NBPF26: variants seen among roughly 807,000 people sequenced by gnomAD.
NBPF26 encodes NBPF family member NBPF26.
In NBPF26, 79 loss-of-function variants were observed where a neutral mutation model predicts 119.6. The ratio of observed to expected loss-of-function variants is 0.66; its 90% CI spans 0.55 to 0.80. The LOEUF is 0.80. Ranked by LOEUF, NBPF26 falls within the 30% of genes least tolerant of loss-of-function variation. The pLI, the probability that NBPF26 is intolerant of heterozygous loss-of-function variation, is 0.00. For synonymous variants in NBPF26, 299 were observed against 457.7 expected, an observed-to-expected ratio of 0.65 and a Z score of 4.43; for missense variants, 800 against 1,198.2, an observed-to-expected ratio of 0.67 and a Z score of 4.91.
intron 1 of NBPF26, among the ~76,000 whole-genome samples, chr1:120,752,534 ATATATATATATATATATATAT>A (rs1651028810): frequency 7.2e-5 from 1 of 13,948 alleles, no homozygotes; most frequent in African/African-American, 4.0e-4. Flanking sequence ...ATATATATAT[ATATATATATATATATATATAT>A]TTTTTTTTTT....
At chr1:120,791,375 T>C (rs1253389912) in intron 3 of NBPF26, among the ~76,000 whole-genome samples, 1 of 106,900 alleles carries the variant, frequency 9.4e-6, no homozygotes, top group African/African-American at 6.1e-5. Flanking sequence ...CTATTCACAA[T>C]AGCAAAGAGT....
At chr1:120,819,604 G>A (rs1652088666) in intron 15 of NBPF26, among the ~76,000 whole-genome samples, 1 of 103,868 alleles carries the variant, frequency 9.6e-6, no homozygotes, top group African/African-American at 6.3e-5. Context: ...GCATGTTTTT[G>A]CAGTGGCTGG....
At position 120,805,695 on chromosome 1, in the gene NBPF26, G is replaced by C. The variant is rs1240682716; in HGVS notation, c.891G>C (p.Leu297Phe). 8.4e-4 allele frequency: 1,218 copies of C among 1,456,626 alleles called. 280 individuals carry two copies. In the African/African-American group the frequency reaches 0.022, roughly 26 times the overall value. 90.2% of individuals were successfully genotyped at this position (1,456,626 alleles called of 1,614,324 possible). ...AGCTGCCAGAGAACAAACAGCAGTT[G>C]AGAAACCTCAAAGAGAAATGTTTTC... Residue 297 changes from leucine to phenylalanine, a missense_variant, in exon 5 of 30, where the codon TTG becomes TTC. Coordinates refer to ENST00000620612, the Ensembl canonical transcript of NBPF26.
intron 5 of NBPF26, among the ~76,000 whole-genome samples, chr1:120,807,067 G>T: frequency 7.7e-6 from 1 of 130,502 alleles, no homozygotes; most frequent in Non-Finnish European, 1.6e-5. Flanking sequence ...TTCCTTCATG[G>T]CCTTATTGTC....
rs1228038318 is a variant in NBPF26 at position 120,734,392 on chromosome 1, G to C, written c.73+10142G>C. On this transcript the variant is annotated intron_variant, in intron 1 of 29. Coordinates refer to ENST00000620612, the Ensembl canonical transcript of NBPF26. ...ACCAAGGAAGGAAACCTATTTGAAG[G>C]ATTACAATATTTTCTTTTTTTTTTT... 7.1e-5 allele frequency among the ~76,000 whole-genome samples: 6 copies of C among 84,206 alleles called. No homozygotes were observed. In the East Asian group the frequency reaches 1.0e-3, roughly 14 times the overall value. 55.2% of individuals were successfully genotyped at this position (84,206 alleles called of 152,430 possible).
At chr1:120,764,464 CAGTG>C (rs1217855288) in intron 2 of NBPF26, among the ~76,000 whole-genome samples, 5 of 91,606 alleles carry the variant, frequency 5.5e-5, no homozygotes, top group African/African-American at 2.8e-4. Context: ...GAAAGTGAGA[CAGTG>C]AGAGAGGAAG....
chr1:120,832,577 G>A (rs1386097684), intron 22 of NBPF26, among the ~76,000 whole-genome samples: 6 of 119,450 alleles, frequency 5.0e-5, no homozygotes, highest in Non-Finnish European at 9.7e-5. Flanking sequence ...GAAATCATTT[G>A]AGGGTATTTG....
At position 120,724,388 on chromosome 1, in the gene NBPF26, C is replaced by G; in HGVS notation, c.73+138C>G. On this transcript the variant is annotated intron_variant, in intron 1 of 29. Transcript: ENST00000620612. ...CGGAGTGAGGCCACTCGCTGGGTTC[C>G]CAAGAGTTTGGACATCGCCGGGGGC... 3 of 1,349,564 alleles carry G rather than the reference C, an allele frequency of 2.2e-6. 1 individual carries two copies. Among genetic ancestry groups the G allele is most frequent in the Non-Finnish European group, 2.9e-6 (3 of 1,033,988 alleles). 83.6% of individuals were successfully genotyped at this position (1,349,564 alleles called of 1,614,324 possible).
chr1:120,724,454 G>T (rs1281371419), intron 1 of NBPF26, among the ~76,000 whole-genome samples: 1 of 121,148 alleles, frequency 8.3e-6, no homozygotes, highest in Non-Finnish European at 1.6e-5. Flanking sequence ...GTTCCCCGCC[G>T]CCTCTGCTCC....
At chr1:120,793,123 T>A in intron 3 of NBPF26, 38 bp from the exon 4 acceptor site, 1 of 884,282 alleles carries the variant, frequency 1.1e-6, no homozygotes, top group East Asian at 2.5e-5. Flanking sequence ...ATCTCCTATT[T>A]CTGTGGCCAG....
At position 120,728,111 on chromosome 1, in the gene NBPF26, G is replaced by A. The variant is rs1165282172; in HGVS notation, c.73+3861G>A. 4.4e-4 allele frequency among the ~76,000 whole-genome samples: 51 copies of A among 116,040 alleles called. 16 individuals are homozygous for A. The highest frequency in any genetic ancestry group is 2.6e-3 in the African/African-American group (51 of 19,704). 76.1% of individuals were successfully genotyped at this position (116,040 alleles called of 152,430 possible). On this transcript the variant is annotated intron_variant, in intron 1 of 29. Coordinates refer to ENST00000620612, the Ensembl canonical transcript of NBPF26. ...TTGCTTCCATCTCGTGTACAAATGCGCTTATGTGCACAAAAACTCTTATAA... is the reference window on the plus strand; with the variant it reads ...TTGCTTCCATCTCGTGTACAAATGCACTTATGTGCACAAAAACTCTTATAA...
At chr1:120,832,589 TTTAAG>T (rs1369542568) in intron 22 of NBPF26, among the ~76,000 whole-genome samples, 8 of 120,564 alleles carry the variant, frequency 6.6e-5, no homozygotes, top group African/African-American at 2.3e-4. Flanking sequence ...GGGTATTTGC[TTTAAG>T]TTGATTGTAA....
At chr1:120,840,867 A>G (rs1553273659), downstream of NBPF26, 6 of 498,772 alleles carry the variant, frequency 1.2e-5, 2 homozygotes, top group Non-Finnish European at 2.0e-5. Flanking sequence ...ATCTCTGGGT[A>G]GCTACAAAAT....
At chr1:120,728,102 T>C (rs1321843096) in intron 1 of NBPF26, among the ~76,000 whole-genome samples, 1 of 117,226 alleles carries the variant, frequency 8.5e-6, no homozygotes, top group Non-Finnish European at 1.6e-5. Context: ...CCATCTCGTG[T>C]ACAAATGCGC....
At chr1:120,779,619 T>C (rs1381877631) in intron 2 of NBPF26, among the ~76,000 whole-genome samples, 1 of 122,088 alleles carries the variant, frequency 8.2e-6, no homozygotes, top group Non-Finnish European at 1.7e-5. Context: ...TTTTAGAATA[T>C]ACACCTTTAG....
chr1:120,755,675 A>G lies in NBPF26; in HGVS notation c.74-7953A>G, dbSNP rs1459071448. ...CAGCTAACTGGAATGATTTTTTTAT[A>G]GTATGAAAAGTCTATTAGTAATACA... On this transcript the variant is annotated intron_variant, in intron 1 of 29. Transcript: ENST00000620612. 2.5e-3 allele frequency among the ~76,000 whole-genome samples: 229 copies of G among 91,808 alleles called. 46 individuals are homozygous for G. The Middle Eastern group carries it at 0.029, about 11-fold the overall frequency. The allele number at this position is 91,808 out of a possible 152,430, so 60.2% of individuals were successfully genotyped here. A position where few individuals can be genotyped will look rare whatever the true frequency, so the allele number is the denominator to read the frequency against.
rs1214746218 is a variant in NBPF26 at position 120,783,617 on chromosome 1, T to A, written c.156-1357T>A. On this transcript the variant is annotated intron_variant, in intron 2 of 29. Coordinates refer to ENST00000620612, the Ensembl canonical transcript of NBPF26. Reference sequence around the variant, plus strand: ...GATAGAGAGATGACTTCTAGAAAACTGAACATATGGGACTGGAACAGTGTA... The same window carrying A: ...GATAGAGAGATGACTTCTAGAAAACAGAACATATGGGACTGGAACAGTGTA... Among the ~76,000 whole-genome samples the A allele has an allele frequency of 8.0e-5, 8 of 100,130 alleles. 2 individuals are homozygous for A. Among genetic ancestry groups the A allele is most frequent in the African/African-American group, 4.0e-4 (6 of 15,102 alleles). The allele number at this position is 100,130 out of a possible 152,430, so 65.7% of individuals were successfully genotyped here.
chr1:120,724,184 G>C lies in NBPF26; in HGVS notation c.7G>C (p.Ala3Pro). The C allele has an allele frequency of 2.2e-6, 3 of 1,394,146 alleles. 1 individual carries two copies. The highest frequency in any genetic ancestry group is 2.8e-6 in the Non-Finnish European group (3 of 1,065,040). 86.4% of individuals were successfully genotyped at this position (1,394,146 alleles called of 1,614,324 possible). ...GGAGGAGGCGACCGAGAAGATGCCC[G>C]CCCTGCGTCCCGCTCTGCTGTGGGC... Residue 3 changes from alanine to proline, a missense_variant, in exon 1 of 30, where the codon GCC (alanine) becomes CCC (proline). Ala to Pro is a conservative substitution (Grantham distance 27). This residue lies in a region of NBPF26 where 209 missense variants were observed against 285.2 expected (regional missense o/e 0.73). Coordinates refer to ENST00000620612, the Ensembl canonical transcript of NBPF26.
chr1:120,745,754 T>A (rs1650975857), intron 1 of NBPF26, among the ~76,000 whole-genome samples: 1 of 37,270 alleles, frequency 2.7e-5, no homozygotes. Context: ...AGGCGGAGGC[T>A]GCCATGAGCT....
Sources: gnomAD v4.1 joint callset for allele counts (sites outside exome capture counted in the v4.1 genomes callset) on GRCh38, gnomAD v4.1.1 for gene constraint, gnomAD v4.1.1 regional missense constraint, MANE v1.5 for transcripts, NCBI Gene and HGNC (gene_info 2026-07-23, HGNC 2026-07-21) for gene names.